Variants in NCALD observed in about 807,000 individuals in gnomAD.
NCALD encodes the protein neurocalcin-delta.
In NCALD, 10 loss-of-function variants were observed where a neutral mutation model predicts 18.6. The ratio of observed to expected loss-of-function variants is 0.54; its 90% confidence interval spans 0.33 to 0.91. The LOEUF (loss-of-function observed/expected upper bound fraction) is 0.91. Among genes scored for constraint, NCALD ranks in the 40% least tolerant of loss-of-function variants. The pLI, the probability that NCALD is intolerant of heterozygous loss-of-function variation, is 0.03. For missense variants in NCALD, 184 were observed against 247.6 expected (o/e 0.74, Z 1.72); for synonymous variants, 88 against 87.4 (o/e 1.01, Z -0.04).
chr8:101,779,267 G>A (rs1294860078), intron 1 of NCALD, among the ~76,000 whole-genome samples: 1 of 152,168 alleles, frequency 6.6e-6, no homozygotes, highest in African/African-American at 2.4e-5. Flanking sequence ...AGAAATTCTA[G>A]TAGAAGAGCT....
At chr8:101,859,482 C>T (rs903314959) in intron 4 of NCALD, among the ~76,000 whole-genome samples, 2 of 152,032 alleles carry the variant, frequency 1.3e-5, no homozygotes, top group Non-Finnish European at 2.9e-5. Flanking sequence ...TCTAGAGAAC[C>T]CTGACTAATA....
intron 2 of NCALD, among the ~76,000 whole-genome samples, chr8:101,934,711 A>G (rs573918448): frequency 1.3e-4 from 20 of 152,262 alleles, no homozygotes; most frequent in African/African-American, 4.6e-4. Context: ...CCTAGAACGA[A>G]ATGGAAGTGA....
At chr8:101,775,511 G>C (rs1811756318) in intron 1 of NCALD, among the ~76,000 whole-genome samples, 1 of 152,176 alleles carries the variant, frequency 6.6e-6, no homozygotes, top group South Asian at 2.1e-4. Flanking sequence ...TTTGGCCTTA[G>C]GAATCTGCCT....
chr8:101,879,255 A>G (rs1177186174), intron 4 of NCALD, among the ~76,000 whole-genome samples: 1 of 152,170 alleles, frequency 6.6e-6, no homozygotes, highest in East Asian at 1.9e-4. Flanking sequence ...TACAATTCCT[A>G]AAGATGGTGT....
intron 3 of NCALD, among the ~76,000 whole-genome samples, chr8:101,905,986 T>A (rs895588862): frequency 7.0e-4 from 106 of 152,348 alleles, no homozygotes; most frequent in African/African-American, 2.4e-3. Flanking sequence ...AATGAAGTAA[T>A]TAAATCCATG....
intron 1 of NCALD, among the ~76,000 whole-genome samples, chr8:101,783,722 G>T (rs902229223): frequency 6.6e-6 from 1 of 152,168 alleles, no homozygotes; most frequent in African/African-American, 2.4e-5. Context: ...CCAGTCAGTG[G>T]GGGCCAATGA....
Position 101,689,177 on chromosome 8 carries a change from G to A in NCALD, c.*132C>T. 1 of 813,946 alleles carries A rather than the reference G, an allele frequency of 1.2e-6. No homozygotes were observed. The highest frequency in any genetic ancestry group is 2.1e-6 in the Non-Finnish European group (1 of 481,760). The allele number at this position is 813,946 out of a possible 1,614,324, so 50.4% of individuals were successfully genotyped here. Reference sequence around the variant, plus strand: ...AAAAGAAGCTGAAGGCGTCACGGAGGAAGGCGCATCAGACCGCACAGGGGA... The same window carrying A: ...AAAAGAAGCTGAAGGCGTCACGGAGAAAGGCGCATCAGACCGCACAGGGGA... On this transcript the variant is annotated 3_prime_UTR_variant, in exon 4 of 4. Transcript: ENST00000220931. This position sits in a 1 kb window ranked among gnomAD's most constrained non-coding sequence, Gnocchi z 4.4.
chr8:102,089,118 G>C (rs1408912173), intron 1 of NCALD, among the ~76,000 whole-genome samples: 2 of 152,198 alleles, frequency 1.3e-5, no homozygotes, highest in Non-Finnish European at 2.9e-5. Flanking sequence ...AAATAGGCCG[G>C]GTGCAGTGGC....
intron 2 of NCALD, among the ~76,000 whole-genome samples, chr8:101,974,300 G>T (rs1018198593): frequency 1.3e-5 from 2 of 152,088 alleles, no homozygotes; most frequent in African/African-American, 4.8e-5. Context: ...TAAATTTTAT[G>T]ATCTTTGATA....
At position 101,763,966 on chromosome 8, in the gene NCALD, CCACACACA is replaced by C. The variant is rs754411989; in HGVS notation, c.-20+26888_-20+26895del. ...TTATGACAAATTTCTCTCTCTCTCT[CCACACACA>C]CACACACACACACACACACACACAC... On this transcript the variant is annotated intron_variant, in intron 1 of 3. Transcript: ENST00000220931. 1.7e-3 allele frequency among the ~76,000 whole-genome samples: 147 copies of C among 85,282 alleles called. 1 individual carries two copies. The highest frequency in any genetic ancestry group is 5.3e-3 in the East Asian group (15 of 2,852). The allele number at this position is 85,282 out of a possible 152,430, so 55.9% of individuals were successfully genotyped here.
intron 1 of NCALD, among the ~76,000 whole-genome samples, chr8:102,050,826 A>T (rs948355049): frequency 2.1e-5 from 3 of 146,266 alleles, no homozygotes; most frequent in African/African-American, 7.4e-5. Context: ...TTTTTAATTT[A>T]ATTAATTTAA....
intron 2 of NCALD, among the ~76,000 whole-genome samples, chr8:102,005,992 CA>C (rs1404771305): frequency 6.6e-6 from 1 of 151,354 alleles, no homozygotes; most frequent in Non-Finnish European, 1.5e-5. Flanking sequence ...AACTAACCTG[CA>C]CGTTGTGCAC....
chr8:101,746,737 T>C (rs889300103), intron 1 of NCALD, among the ~76,000 whole-genome samples: 2 of 151,630 alleles, frequency 1.3e-5, no homozygotes, highest in Non-Finnish European at 2.9e-5. Flanking sequence ...TATATAATAA[T>C]ATATTACATT....
chr8:101,841,647 G>A (rs1814648116), intron 4 of NCALD, among the ~76,000 whole-genome samples: 1 of 152,170 alleles, frequency 6.6e-6, no homozygotes, highest in Admixed American at 6.5e-5. Flanking sequence ...TTATAGTCTT[G>A]TTGTCCCCAA....
intron 4 of NCALD, among the ~76,000 whole-genome samples, chr8:101,807,588 T>C (rs1813151523): frequency 6.6e-6 from 1 of 152,062 alleles, no homozygotes; most frequent in African/African-American, 2.4e-5. Flanking sequence ...TACAACCCAA[T>C]AGACATAGCA....
intron 1 of NCALD, among the ~76,000 whole-genome samples, chr8:102,050,415 C>T (rs1259487462): frequency 1.3e-5 from 2 of 150,734 alleles, no homozygotes; most frequent in African/African-American, 4.8e-5. Flanking sequence ...ATTGATACTG[C>T]AAGGTGAAAC....
chr8:101,735,352 C>G (rs2130633561), intron 1 of NCALD, among the ~76,000 whole-genome samples: 1 of 152,234 alleles, frequency 6.6e-6, no homozygotes, highest in African/African-American at 2.4e-5. Context: ...CTTTACCAAG[C>G]CCGTAGAAAA....
chr8:101,699,884 G>A (rs1172830659), intron 2 of NCALD, among the ~76,000 whole-genome samples: 2 of 151,976 alleles, frequency 1.3e-5, no homozygotes, highest in South Asian at 2.1e-4. Context: ...AAACCAACAC[G>A]TTCTGTGCGT....
chr8:102,083,436 G>A (rs1489075822), intron 1 of NCALD, among the ~76,000 whole-genome samples: 1 of 152,100 alleles, frequency 6.6e-6, no homozygotes, highest in Non-Finnish European at 1.5e-5. Context: ...CTGTGAATGG[G>A]GATAATGAAT....
Sources: gnomAD v4.1 joint callset for allele counts (sites outside exome capture counted in the v4.1 genomes callset) on GRCh38, gnomAD v4.1.1 for gene constraint, Gnocchi (gnomAD v3.1) non-coding constraint, MANE v1.5 for transcripts, NCBI Gene and HGNC (gene_info 2026-07-23, HGNC 2026-07-21) for gene names.